SRFBP1: variants seen among roughly 807,000 people sequenced by gnomAD.
The protein encoded by SRFBP1 is serum response factor binding protein 1, also known as serum response factor-binding protein 1.
Under a neutral mutation model 45.5 loss-of-function variants are expected in SRFBP1, and 47 were observed. The observed-to-expected ratio is 1.03, with a 90% CI of 0.82 to 1.32. SRFBP1 has a LOEUF of 1.32. Among genes scored for constraint, SRFBP1 ranks in the 40% most tolerant of loss-of-function variants. The pLI is 0.00. For missense variants in SRFBP1, 621 were observed against 484.6 expected (o/e 1.28, Z -2.64); for synonymous variants, 203 against 166.3 (o/e 1.22, Z -1.70).
chr5:122,004,047 A>T (rs898162890), intron 4 of SRFBP1, among the ~76,000 whole-genome samples: 12 of 151,886 alleles, frequency 7.9e-5, no homozygotes, highest in Admixed American at 5.9e-4. Flanking sequence ...CGATCCTCCC[A>T]CCTCAGCCTC....
intron 4 of SRFBP1, among the ~76,000 whole-genome samples, chr5:122,008,993 C>A (rs558923744): frequency 6.6e-6 from 1 of 152,074 alleles, no homozygotes; most frequent in Non-Finnish European, 1.5e-5. Context: ...ATCACACATA[C>A]GTTCAATTTA....
At chr5:122,064,850 A>G (rs79582421) in intron 2 of SRFBP1, 2 of 152,054 alleles carry the variant, frequency 1.3e-5, no homozygotes, top group Non-Finnish European at 2.9e-5. Flanking sequence ...ATCCATGATG[A>G]TATTGCCTAG....
chr5:122,057,902 C>T (rs142275154), intron 2 of SRFBP1, among the ~76,000 whole-genome samples: 16 of 152,134 alleles, frequency 1.1e-4, no homozygotes, highest in African/African-American at 2.7e-4. Context: ...TGGTCTCTAA[C>T]TCCTCAACTC....
intron 4 of SRFBP1, among the ~76,000 whole-genome samples, chr5:122,015,403 G>GT (rs1753175906): frequency 1.3e-5 from 2 of 152,158 alleles, no homozygotes; most frequent in African/African-American, 4.8e-5. Context: ...CTACTACACA[G>GT]TTTTTTCTTT....
At chr5:122,046,660 C>A (rs1753865615) in intron 2 of SRFBP1, among the ~76,000 whole-genome samples, 1 of 152,206 alleles carries the variant, frequency 6.6e-6, no homozygotes, top group African/African-American at 2.4e-5. Flanking sequence ...TACAATCCCA[C>A]CAACAGTGTA....
intron 2 of SRFBP1, chr5:122,070,667 A>G: frequency 1.4e-6 from 1 of 727,832 alleles, no homozygotes; most frequent in Non-Finnish European, 2.3e-6. Context: ...TTATTTGCAA[A>G]TTAAATTTTA....
intron 3 of SRFBP1, among the ~76,000 whole-genome samples, chr5:121,986,265 G>C (rs1484238857): frequency 6.6e-6 from 1 of 151,952 alleles, no homozygotes; most frequent in African/African-American, 2.4e-5. Context: ...CTGCTGATAC[G>C]TTGAGTAAGA....
chr5:122,041,411 A>G (rs1028530814), intron 2 of SRFBP1, among the ~76,000 whole-genome samples: 5 of 151,996 alleles, frequency 3.3e-5, no homozygotes, highest in Non-Finnish European at 7.4e-5. Context: ...TTTTTTTTTA[A>G]CCATATCTAT....
At chr5:122,046,747 C>T (rs960585029) in intron 2 of SRFBP1, among the ~76,000 whole-genome samples, 13 of 152,252 alleles carry the variant, frequency 8.5e-5, no homozygotes, top group Non-Finnish European at 1.2e-4. Context: ...TTCTAACTGG[C>T]GTGAGATGGT....
intron 1 of SRFBP1, among the ~76,000 whole-genome samples, chr5:121,969,970 T>C (rs1400055065): frequency 6.6e-6 from 1 of 152,160 alleles, no homozygotes; most frequent in Non-Finnish European, 1.5e-5. Flanking sequence ...CTAACAATGA[T>C]AGTTCTTGCT....
At chr5:121,964,354 A>C (rs1343231447) in intron 1 of SRFBP1, among the ~76,000 whole-genome samples, 1 of 151,010 alleles carries the variant, frequency 6.6e-6, no homozygotes, top group African/African-American at 2.4e-5. Context: ...CTTTCCCCCC[A>C]CCCGACAGGC....
At position 122,019,308 on chromosome 5, in the gene SRFBP1, C is replaced by G; in HGVS notation, c.319C>G (p.Pro107Ala). 6.2e-7 allele frequency: 1 copy of G among 1,612,394 alleles called. No individual in the cohort carries two copies. Among genetic ancestry groups the G allele is most frequent in the Non-Finnish European group, 8.5e-7 (1 of 1,179,084 alleles). The change falls in exon 5 of 8, where the codon CCT becomes GCT. Residue 107 changes from proline to alanine, a missense_variant. Coordinates refer to ENST00000339397, the MANE Select transcript of SRFBP1 (RefSeq NM_152546.3). ...AGCAATTGCCAGACTAGCAGTACAT[C>G]CTCTTCTGAAGAAAAAGATAGATGT... ...ERAIARLAVH[P>A]LLKKKIDVLK...
chr5:121,980,715 G>T (rs1243294794), intron 3 of SRFBP1, among the ~76,000 whole-genome samples: 1 of 152,088 alleles, frequency 6.6e-6, no homozygotes, highest in East Asian at 1.9e-4. Flanking sequence ...TTTCGAATAA[G>T]TGGTTGTTTG....
At chr5:122,025,225 C>G (rs1211121741) in intron 7 of SRFBP1, among the ~76,000 whole-genome samples, 4 of 151,476 alleles carry the variant, frequency 2.6e-5, no homozygotes, top group South Asian at 4.2e-4. Flanking sequence ...GGTTTTTTGT[C>G]CTTGCGATGG....
chr5:121,965,435 A>G (rs992919191), intron 1 of SRFBP1, among the ~76,000 whole-genome samples: 2 of 152,192 alleles, frequency 1.3e-5, no homozygotes, highest in Admixed American at 6.5e-5. Flanking sequence ...AACACCATCT[A>G]TTAAATAGGG....
Position 121,974,216 on chromosome 5 carries a change from A to C in SRFBP1, c.57A>C (p.Glu19Asp). Residue 19 changes from glutamate (E) to aspartate (D), a missense_variant, in exon 2 of 8, where the codon GAA becomes GAC. Transcript: ENST00000339397. ...LNNEVVKMRK[E>D]VKRIRVLVIR... Reference sequence around the variant, plus strand: ...CAAAGGTTGTGAAGATGAGAAAAGAAGTGAAGAGAATTCGAGTTTTAGTTA... The same window carrying C: ...CAAAGGTTGTGAAGATGAGAAAAGACGTGAAGAGAATTCGAGTTTTAGTTA... 1 of 1,611,332 alleles carries C rather than the reference A, an allele frequency of 6.2e-7. No individual in the cohort carries two copies. Among genetic ancestry groups the C allele is most frequent in the African/African-American group, 1.3e-5 (1 of 74,930 alleles).
At chr5:121,976,122 A>G (rs1384008762) in intron 3 of SRFBP1, among the ~76,000 whole-genome samples, 1 of 151,168 alleles carries the variant, frequency 6.6e-6, no homozygotes, top group Non-Finnish European at 1.5e-5. Flanking sequence ...TAAAAGAGAA[A>G]TAAAACTCTC....
intron 6 of SRFBP1, among the ~76,000 whole-genome samples, chr5:122,022,123 C>G (rs2112710420): frequency 6.6e-6 from 1 of 152,246 alleles, no homozygotes; most frequent in Admixed American, 6.5e-5. Flanking sequence ...CCATTACAAA[C>G]AGAATTCTCT....
chr5:122,019,776 T>C (rs992372216), intron 5 of SRFBP1, among the ~76,000 whole-genome samples: 1 of 151,966 alleles, frequency 6.6e-6, no homozygotes, highest in Admixed American at 6.6e-5. Context: ...TATTATTATA[T>C]AAATTAAAGT....
Sources: gnomAD v4.1 joint callset for allele counts (sites outside exome capture counted in the v4.1 genomes callset) on GRCh38, gnomAD v4.1.1 for gene constraint, MANE v1.5 for transcripts, NCBI Gene and HGNC (gene_info 2026-07-23, HGNC 2026-07-21) for gene names.